RBL1: variants seen among roughly 807,000 people sequenced by gnomAD.
The protein encoded by RBL1 is RB transcriptional corepressor like 1.
A neutral mutation model predicts 123.0 loss-of-function variants in RBL1; 82 were observed. That is an observed-to-expected ratio of 0.67 (90% CI 0.56 to 0.80). The LOEUF (loss-of-function observed/expected upper bound fraction) is 0.80, where lower values mean the gene tolerates loss of function less well. Ranked by LOEUF, RBL1 falls within the 30% of genes least tolerant of loss-of-function variation. The probability of loss-of-function intolerance (pLI) is 0.00; values close to 1 mark genes in which losing one functional copy is unlikely to be tolerated. For synonymous variants in RBL1, 405 were observed against 441.3 expected, an observed-to-expected ratio of 0.92 and a Z score of 1.03; for missense variants, 1,171 against 1,299.6, an observed-to-expected ratio of 0.90 and a Z score of 1.52.
chr20:37,020,792 A>C, intron 17 of RBL1, 62 bp from the exon 18 acceptor site: 1 of 1,139,192 alleles, frequency 8.8e-7, no homozygotes. Context: ...CTCTGAACAA[A>C]ACTTCAATTA....
chr20:37,063,766 C>T (rs925033148), intron 7 of RBL1, among the ~76,000 whole-genome samples: 5 of 151,736 alleles, frequency 3.3e-5, no homozygotes, highest in Admixed American at 6.5e-5. Context: ...CCCACCTCGG[C>T]CCCCCAAAGT....
In RBL1 at chr20:37,065,418, A is replaced by AT; in HGVS notation, c.896+5dup. On this transcript the variant is annotated splice_donor_region_variant and intron_variant, in intron 7 of 21. Transcript: ENST00000373664. ...AAGCCAGGCACCATTAGTACTAGAT[A>AT]TTTACCTATTATCAGTAAAACTTGA... 1 of 1,567,596 alleles carries AT rather than the reference A, an allele frequency of 6.4e-7. No individual in the cohort carries two copies. The highest frequency in any genetic ancestry group is 8.7e-7 in the Non-Finnish European group (1 of 1,147,080).
intron 9 of RBL1, among the ~76,000 whole-genome samples, chr20:37,060,520 C>T (rs1211451649): frequency 6.6e-6 from 1 of 151,944 alleles, no homozygotes; most frequent in African/African-American, 2.4e-5. Flanking sequence ...CATGGTCGCT[C>T]ATGCCTGTAA....
chr20:37,005,894 C>CTTTTTTTTTTTTTTTTTTTT (rs1013303071), intron 20 of RBL1, among the ~76,000 whole-genome samples: 4 of 98,138 alleles, frequency 4.1e-5, no homozygotes, highest in Admixed American at 1.2e-4. Context: ...TTTTTTCTTT[C>CTTTTTTTTTTTTTTTTTTTT]TTTTTTTTTT....
intron 20 of RBL1, among the ~76,000 whole-genome samples, chr20:37,005,894 CTTTTTTTTT>C (rs1013303071): frequency 1.0e-5 from 1 of 98,142 alleles, no homozygotes; most frequent in Non-Finnish European, 1.9e-5. Flanking sequence ...TTTTTTCTTT[CTTTTTTTTT>C]TTTTTTTTTT....
intron 1 of RBL1, among the ~76,000 whole-genome samples, chr20:37,091,736 T>C (rs1236452376): frequency 1.3e-5 from 2 of 151,958 alleles, no homozygotes; most frequent in Non-Finnish European, 2.9e-5. Flanking sequence ...TATACACTGT[T>C]CCACAGACTG....
chr20:37,044,883 T>A (rs1477658430), intron 12 of RBL1, among the ~76,000 whole-genome samples: 1 of 152,166 alleles, frequency 6.6e-6, no homozygotes, highest in Non-Finnish European at 1.5e-5. Context: ...ATTTTGAATG[T>A]ATTGCTCCTT....
intron 9 of RBL1, among the ~76,000 whole-genome samples, chr20:37,060,301 C>T (rs1476456004): frequency 6.6e-6 from 1 of 151,792 alleles, no homozygotes; most frequent in East Asian, 1.9e-4. Flanking sequence ...AATGTATGTC[C>T]TTATACAGGT....
At chr20:36,999,425 T>TCTCCCTCCTCTCCCTCTCCCTCCTCTCC (rs1290209324) in intron 21 of RBL1, among the ~76,000 whole-genome samples, 147 of 146,406 alleles carry the variant, frequency 1.0e-3, no homozygotes, top group African/African-American at 3.7e-3. Flanking sequence ...AAGCTTCCCG[T>TCTCCCTCCTCTCCCTCTCCCTCCTCTCC]CTCCCTCCTC....
intron 16 of RBL1, among the ~76,000 whole-genome samples, chr20:37,023,652 T>C (rs903814250): frequency 1.3e-5 from 2 of 152,220 alleles, no homozygotes; most frequent in Non-Finnish European, 2.9e-5. Flanking sequence ...TGTTGTTTTT[T>C]TTAAAGCCTG....
In RBL1 at chr20:36,998,444, G is replaced by A. The variant is rs41279264; in HGVS notation, c.*315C>T. The A allele has an allele frequency of 0.17, 32,322 of 194,950 alleles. 3,374 individuals carry two copies. The highest frequency in any genetic ancestry group is 0.27 in the Middle Eastern group (125 of 458). The allele number at this position is 194,950 out of a possible 1,614,324, so 12.1% of individuals were successfully genotyped here. On this transcript the variant is annotated 3_prime_UTR_variant, in exon 22 of 22. Transcript: ENST00000373664. ...TCTCCATGTTGGTCAGGCTGGTCTCGAACTCCTGACCTCCGGTGATCTGCC... is the reference window on the plus strand; with the variant it reads ...TCTCCATGTTGGTCAGGCTGGTCTCAAACTCCTGACCTCCGGTGATCTGCC...
At chr20:37,007,590 A>G in intron 19 of RBL1, 31 bp from the exon 20 acceptor site, 1 of 1,603,102 alleles carries the variant, frequency 6.2e-7, no homozygotes, top group South Asian at 1.1e-5. Flanking sequence ...TTGTGATACA[A>G]AGCATACTTT....
At chr20:37,063,198 C>G (rs1293509629) in intron 7 of RBL1, among the ~76,000 whole-genome samples, 1 of 152,136 alleles carries the variant, frequency 6.6e-6, no homozygotes, top group Non-Finnish European at 1.5e-5. Context: ...CTGCCTTAGC[C>G]TCCTGAGTAG....
At chr20:37,083,225 T>C (rs2065480457) in intron 2 of RBL1, among the ~76,000 whole-genome samples, 1 of 151,956 alleles carries the variant, frequency 6.6e-6, no homozygotes, top group Non-Finnish European at 1.5e-5. Context: ...CTTAGCACTT[T>C]GGGAGGCTGA....
Position 37,040,294 on chromosome 20 carries a change from A to G in RBL1, c.1771-9T>C. 6.2e-7 allele frequency: 1 copy of G among 1,610,086 alleles called. No homozygotes were observed. The highest frequency in any genetic ancestry group is 8.5e-7 in the Non-Finnish European group (1 of 1,178,994). ...TTATTTGGGAATATAACCTGTAGAA[A>G]ACAAAAACCCTTTGATTTACATATA... On this transcript the variant is annotated splice_polypyrimidine_tract_variant and intron_variant, in intron 13 of 21. Coordinates refer to ENST00000373664, the MANE Select transcript of RBL1 (RefSeq NM_002895.5).
At chr20:37,053,504 T>G (rs1169857399) in intron 11 of RBL1, among the ~76,000 whole-genome samples, 5 of 152,206 alleles carry the variant, frequency 3.3e-5, no homozygotes, top group Admixed American at 3.3e-4. Flanking sequence ...CATCGTGAGC[T>G]GCTGAGGTAG....
At chr20:37,013,147 G>T (rs963161811) in intron 19 of RBL1, among the ~76,000 whole-genome samples, 11 of 152,266 alleles carry the variant, frequency 7.2e-5, no homozygotes, top group Admixed American at 5.9e-4. Flanking sequence ...GAATAGAAAG[G>T]GGGGAAAGGT....
rs898817235 is a variant in RBL1 at position 37,069,738 on chromosome 20, G to A, written c.291-1552C>T. ...TCCGCCTGGCAGCCACCCAGTCCGG[G>A]AGGGAGGTGGGGGGGGTCAGCCCCC... is the stretch of plus-strand genomic sequence containing the variant. On this transcript the variant is annotated intron_variant, in intron 2 of 21. Coordinates refer to ENST00000373664, the MANE Select transcript of RBL1 (RefSeq NM_002895.5). 6.6e-4 allele frequency among the ~76,000 whole-genome samples: 99 copies of A among 151,088 alleles called. 1 individual carries two copies. Among genetic ancestry groups the A allele is most frequent in the Non-Finnish European group, 1.3e-3 (90 of 68,012 alleles).
intron 21 of RBL1, among the ~76,000 whole-genome samples, chr20:37,001,731 A>G (rs2063983892): frequency 6.8e-6 from 1 of 146,328 alleles, no homozygotes; most frequent in South Asian, 2.2e-4. Context: ...CCCCTCTGCG[A>G]GAAACACCCA....
Sources: allele counts gnomAD v4.1 joint callset (sites outside exome capture counted in the v4.1 genomes callset), GRCh38; gene constraint gnomAD v4.1.1; transcripts MANE v1.5; gene names NCBI Gene and HGNC (gene_info 2026-07-23, HGNC 2026-07-21).